The following PAK4 variants were observed in gnomAD, a reference collection of about 807,000 sequenced individuals.
The protein encoded by PAK4 is serine/threonine-protein kinase PAK 4.
In PAK4, 49 loss-of-function variants were observed where a neutral mutation model predicts 53.5. The ratio of observed to expected loss-of-function variants is 0.92; its 90% CI spans 0.73 to 1.16. The LOEUF is 1.16. Ranked by LOEUF, PAK4 falls within the 50% of genes most tolerant of loss-of-function variation. The pLI is 0.00. For missense variants in PAK4, 824 were observed against 850.7 expected (o/e 0.97, Z 0.39); for synonymous variants, 376 against 375.6 (o/e 1.00, Z -0.01).
chr19:39,176,820 C>T, intron 7 of PAK4, 105 bp downstream of exon 8: 1 of 1,377,726 alleles, frequency 7.3e-7, no homozygotes, highest in Non-Finnish European at 1.0e-6. Context: ...GAGTCATTGC[C>T]AGGAATGGTG....
chr19:39,151,476 CCA>C lies in PAK4; in HGVS notation c.-22-18053_-22-18052del, dbSNP rs199546735. ...GTGGTGAACTTCACTGGACATTTAC[CCA>C]CAGACAAACTTGCACACCTGTGAAA... On this transcript the variant is annotated intron_variant, in intron 1 of 8. Coordinates refer to ENST00000358301, the Ensembl canonical transcript of PAK4. 6.8e-3 allele frequency among the ~76,000 whole-genome samples: 1,034 copies of C among 152,316 alleles called. 19 individuals are homozygous for C. The highest frequency in any genetic ancestry group is 0.023 in the African/African-American group (948 of 41,564).
At chr19:39,131,746 G>A (rs188024218) in intron 1 of PAK4, among the ~76,000 whole-genome samples, 98 of 152,320 alleles carry the variant, frequency 6.4e-4, no homozygotes, top group African/African-American at 2.3e-3. Flanking sequence ...GCCATCTGCT[G>A]CCTTCCCGAG....
At chr19:39,135,893 T>C (rs949360078) in intron 1 of PAK4, among the ~76,000 whole-genome samples, 29 of 150,232 alleles carry the variant, frequency 1.9e-4, no homozygotes, top group African/African-American at 6.8e-4. Context: ...CCTTGACTCC[T>C]CTCTTGCCCC....
intron 8 of PAK4, 74 bp downstream of exon 9, chr19:39,177,883 G>A: frequency 6.6e-7 from 1 of 1,506,126 alleles, no homozygotes; most frequent in Non-Finnish European, 9.0e-7. Flanking sequence ...CATGGGGTGT[G>A]GATGGGATGG....
At position 39,132,199 on chromosome 19, in the gene PAK4, C is replaced by T. The variant is rs149084452; in HGVS notation, c.-23+6280C>T. Among the ~76,000 whole-genome samples the T allele has an allele frequency of 3.1e-4, 47 of 152,292 alleles. No individual in the cohort carries two copies. In the East Asian group the frequency reaches 8.7e-3, roughly 28 times the overall value. ...GTTTTTAACCTCGTTTCTCTTTTCC[C>T]GTGTTTCAATTTTCAGAAAGCACGT... is the stretch of plus-strand genomic sequence containing the variant. On this transcript the variant is annotated intron_variant, in intron 1 of 8. Coordinates refer to ENST00000358301, the Ensembl canonical transcript of PAK4.
intron 1 of PAK4, among the ~76,000 whole-genome samples, chr19:39,166,715 C>A (rs144991110): frequency 6.6e-6 from 1 of 152,334 alleles, no homozygotes; most frequent in East Asian, 1.9e-4. Flanking sequence ...CTCCCTGCAC[C>A]TGGGCAAGCC....
Position 39,175,113 on chromosome 19 carries a change from C to T in PAK4, c.1232+49C>T. On this transcript the variant is annotated intron_variant, in intron 5 of 8. Transcript: ENST00000358301. This position sits in a 1 kb window ranked among gnomAD's most constrained non-coding sequence, Gnocchi z 4.7. Reference sequence around the variant, plus strand: ...TCCTGTGACACGACCAAGTCCCCTCCAGACCACTAGGGGTGGGGCCACATC... The same window carrying T: ...TCCTGTGACACGACCAAGTCCCCTCTAGACCACTAGGGGTGGGGCCACATC... The T allele has an allele frequency of 1.3e-6, 2 of 1,569,546 alleles. No individual in the cohort carries two copies. The highest frequency in any genetic ancestry group is 1.2e-5 in the South Asian group (1 of 82,934).
chr19:39,147,549 A>G (rs1055793560), intron 1 of PAK4, among the ~76,000 whole-genome samples: 13 of 152,184 alleles, frequency 8.5e-5, no homozygotes, highest in Non-Finnish European at 1.8e-4. Context: ...TGCTGGTTGC[A>G]TGTTTTAAGA....
intron 1 of PAK4, among the ~76,000 whole-genome samples, chr19:39,141,823 G>A (rs536090930): frequency 2.0e-5 from 3 of 151,948 alleles, no homozygotes; most frequent in South Asian, 2.1e-4. Flanking sequence ...TTTTAGTAGA[G>A]ACAGAGTTTC....
At chr19:39,163,059 G>C (rs2074310416) in intron 1 of PAK4, among the ~76,000 whole-genome samples, 1 of 152,168 alleles carries the variant, frequency 6.6e-6, no homozygotes, top group Non-Finnish European at 1.5e-5. Flanking sequence ...CGAGGAGCCT[G>C]CTGTGCCGGG....
In PAK4 at chr19:39,178,081, G is replaced by A. The variant is rs1444151163; in HGVS notation, c.1620+272G>A. On this transcript the variant is annotated intron_variant, in intron 8 of 8. Transcript: ENST00000358301. The surrounding 1 kb of genome is among the most constrained non-coding windows in gnomAD (Gnocchi z 4.4). ...AGAGAGATTTGCACGTTTAGAAGTGGAGGACAGGGCCGGGACCTTCCTAGT... is the reference window on the plus strand; with the variant it reads ...AGAGAGATTTGCACGTTTAGAAGTGAAGGACAGGGCCGGGACCTTCCTAGT... Among the ~76,000 whole-genome samples the A allele has an allele frequency of 6.6e-6, 1 of 152,130 alleles. No homozygotes were observed. Among genetic ancestry groups the A allele is most frequent in the Non-Finnish European group, 1.5e-5 (1 of 68,000 alleles).
At chr19:39,155,748 G>A (rs571856467) in intron 1 of PAK4, among the ~76,000 whole-genome samples, 1 of 152,268 alleles carries the variant, frequency 6.6e-6, no homozygotes, top group South Asian at 2.1e-4. Flanking sequence ...TCCAGCCTGG[G>A]AGTCCCAGCG....
intron 1 of PAK4, among the ~76,000 whole-genome samples, chr19:39,165,936 G>A (rs1008756295): frequency 3.3e-5 from 5 of 152,138 alleles, no homozygotes; most frequent in African/African-American, 9.7e-5. Flanking sequence ...TCTGTAATCC[G>A]GGGCTTATTA....
At chr19:39,177,913 G>A (rs2074641274) in intron 8 of PAK4, 104 bp downstream of exon 9, 1 of 1,330,100 alleles carries the variant, frequency 7.5e-7, no homozygotes, top group Non-Finnish European at 1.0e-6. Context: ...TGGCGCCTGG[G>A]ATGGCGCTTA....
At chr19:39,144,779 A>AGTGTGT (rs3057072) in intron 1 of PAK4, among the ~76,000 whole-genome samples, 2 of 151,374 alleles carry the variant, frequency 1.3e-5, no homozygotes, top group East Asian at 1.9e-4. Flanking sequence ...CATGTGTGTG[A>AGTGTGT]GTGTGTGTGT....
chr19:39,158,689 G>T (rs1441807597), intron 1 of PAK4, among the ~76,000 whole-genome samples: 1 of 152,168 alleles, frequency 6.6e-6, no homozygotes, highest in African/African-American at 2.4e-5. Flanking sequence ...GCCTAGCTGG[G>T]TAAAGGAAGC....
rs761695934 is a variant in PAK4 at position 39,173,151 on chromosome 19, C to T, written c.438C>T (p.Gly146=). ...TCGCCGGTCACAGCGAGGCGGGTGG[C>T]GGCAGTGGTGACAGGCGACGGGCGG... Residue 146 remains glycine (G), a synonymous_variant, in exon 3 of 9, where the codon GGC becomes GGT. Coordinates refer to ENST00000358301, the Ensembl canonical transcript of PAK4. This position sits in a 1 kb window ranked among gnomAD's most constrained non-coding sequence, Gnocchi z 6.9. 2.6e-5 allele frequency: 40 copies of T among 1,541,068 alleles called. No individual in the cohort carries two copies. The highest frequency in any genetic ancestry group is 3.8e-4 in the Middle Eastern group (2 of 5,322).
intron 1 of PAK4, among the ~76,000 whole-genome samples, chr19:39,154,454 C>G (rs1329716204): frequency 6.6e-6 from 1 of 152,152 alleles, no homozygotes; most frequent in African/African-American, 2.4e-5. Context: ...ACCTGAAAGT[C>G]TAGTAGCGGT....
Position 39,175,485 on chromosome 19 carries a change from C to T in PAK4, c.1359+47C>T, listed in dbSNP as rs766434379. On this transcript the variant is annotated intron_variant, in intron 6 of 8. Coordinates refer to ENST00000358301, the Ensembl canonical transcript of PAK4. This position sits in a 1 kb window ranked among gnomAD's most constrained non-coding sequence, Gnocchi z 4.7. The stretch of plus-strand genomic sequence containing the variant: ...TACGGGGGCGGCAGGTTTCCGGCTG[C>T]GGGGCTTCCCTGCCTCTTCCCATCC... 12 of 1,547,688 alleles carry T rather than the reference C, an allele frequency of 7.8e-6. No individual in the cohort carries two copies. Among genetic ancestry groups the T allele is most frequent in the Middle Eastern group, 3.4e-4 (2 of 5,922 alleles).
Sources: allele counts gnomAD v4.1 joint callset (sites outside exome capture counted in the v4.1 genomes callset), GRCh38; gene constraint gnomAD v4.1.1; non-coding constraint Gnocchi (gnomAD v3.1); transcripts MANE v1.5; gene names NCBI Gene and HGNC (gene_info 2026-07-23, HGNC 2026-07-21).